Variants in ANAPC1 observed in about 807,000 individuals in gnomAD.
The protein encoded by ANAPC1 is anaphase promoting complex subunit 1, also known as anaphase-promoting complex subunit 1.
A neutral mutation model predicts 208.0 loss-of-function variants in ANAPC1; 36 were observed. That is an observed-to-expected ratio of 0.17 (90% CI 0.13 to 0.23). ANAPC1 has a LOEUF of 0.23. Among genes scored for constraint, ANAPC1 ranks in the 10% least tolerant of loss-of-function variants. The pLI, the probability that ANAPC1 is intolerant of heterozygous loss-of-function variation, is 1.00. For missense variants in ANAPC1, 942 were observed against 2,011.6 expected, an observed-to-expected ratio of 0.47 and a Z score of 10.17; for synonymous variants, 378 against 695.2, an observed-to-expected ratio of 0.54 and a Z score of 7.18.
intron 38 of ANAPC1, among the ~76,000 whole-genome samples, chr2:111,788,993 C>A (rs1677723989): frequency 1.3e-5 from 2 of 152,382 alleles, no homozygotes; most frequent in South Asian, 2.1e-4. Flanking sequence ...AAAAAATTAG[C>A]CGGGCGCCGT....
chr2:111,770,904 C>T (rs1487497548), intron 47 of ANAPC1, among the ~76,000 whole-genome samples: 1 of 151,802 alleles, frequency 6.6e-6, no homozygotes, highest in Non-Finnish European at 1.5e-5. Context: ...TTTCTATTAT[C>T]TGTTTTTTTA....
At chr2:111,832,956 A>AAAAAAAAAAAG (rs397748618) in intron 20 of ANAPC1, among the ~76,000 whole-genome samples, 1 of 150,272 alleles carries the variant, frequency 6.7e-6, no homozygotes, top group Non-Finnish European at 1.5e-5. Context: ...AAAAAAAAAA[A>AAAAAAAAAAAG]GCATCCTTGA....
intron 47 of ANAPC1, among the ~76,000 whole-genome samples, chr2:111,770,228 T>TATAA (rs1491455655): frequency 1.9e-5 from 2 of 104,408 alleles, no homozygotes; most frequent in Non-Finnish European, 3.9e-5. Context: ...TATATATATA[T>TATAA]AAATTCTTTA....
intron 3 of ANAPC1, among the ~76,000 whole-genome samples, chr2:111,875,585 C>A (rs919747964): frequency 6.6e-6 from 1 of 152,198 alleles, no homozygotes; most frequent in African/African-American, 2.4e-5. Flanking sequence ...CAGTCTCCCT[C>A]CTCTCCAGTC....
chr2:111,858,300 A>G lies in ANAPC1; in HGVS notation c.1358+6T>C. ...TACAGAAACAATGGGAAAGACATAC[A>G]CCTACCGTAACTGGAGCTGGGACTC... On this transcript the variant is annotated splice_donor_region_variant and intron_variant, in intron 11 of 47. Coordinates refer to ENST00000341068, the MANE Select transcript of ANAPC1 (RefSeq NM_022662.4). The G allele has an allele frequency of 1.2e-6, 2 of 1,609,536 alleles. No homozygotes were observed. Among genetic ancestry groups the G allele is most frequent in the Non-Finnish European group, 1.7e-6 (2 of 1,176,200 alleles).
intron 17 of ANAPC1, 42 bp downstream of exon 17, chr2:111,843,370 T>C: frequency 6.2e-7 from 1 of 1,602,414 alleles, no homozygotes; most frequent in African/African-American, 1.3e-5. Flanking sequence ...AACCATTACA[T>C]TAACAGAATA....
intron 2 of ANAPC1, among the ~76,000 whole-genome samples, 175 bp from the exon 3 acceptor site, chr2:111,879,146 T>A (rs1683168609): frequency 6.6e-6 from 1 of 152,230 alleles, no homozygotes; most frequent in Non-Finnish European, 1.5e-5. Flanking sequence ...CAGAATTACA[T>A]GAAGAATTTA....
intron 47 of ANAPC1, 113 bp downstream of exon 47, chr2:111,772,228 C>T (rs1676780387): frequency 9.5e-6 from 10 of 1,057,624 alleles, no homozygotes; most frequent in Admixed American, 4.5e-5. Flanking sequence ...AACAATGACA[C>T]TGCAACATTA....
At chr2:111,834,417 G>T (rs189296583) in intron 19 of ANAPC1, among the ~76,000 whole-genome samples, 187 bp downstream of exon 19, 35 of 152,072 alleles carry the variant, frequency 2.3e-4, no homozygotes, top group African/African-American at 8.4e-4. Context: ...ATCCCTGCAT[G>T]GCTCACAGGC....
rs560458379 is a variant in ANAPC1, at chr2:111,870,579, C to G, written c.611+2051G>C. On this transcript the variant is annotated intron_variant, in intron 6 of 47. Transcript: ENST00000341068. ...AGCTTCTGTCTTGCTGATCTGAGTT[C>G]CTTATATATTCTGGATACTAGTGCT... Among the ~76,000 whole-genome samples, 19 of 152,228 alleles carry G rather than the reference C, an allele frequency of 1.2e-4. No individual in the cohort carries two copies. In the South Asian group the frequency reaches 3.9e-3, roughly 32 times the overall value.
intron 24 of ANAPC1, among the ~76,000 whole-genome samples, chr2:111,824,232 G>T (rs1573398293): frequency 3.7e-5 from 4 of 107,034 alleles, no homozygotes; most frequent in East Asian, 3.0e-4. Context: ...CATTTTTAAG[G>T]TAAAATGCAA....
intron 14 of ANAPC1, among the ~76,000 whole-genome samples, chr2:111,848,296 T>G (rs572766930): frequency 9.2e-5 from 14 of 151,694 alleles, no homozygotes; most frequent in African/African-American, 3.1e-4. Context: ...GACCAAGATC[T>G]AGGAGAGAAG....
At chr2:111,872,829 TAAC>T (rs1558742631) in intron 5 of ANAPC1, 117 bp from the exon 6 acceptor site, 1 of 682,744 alleles carries the variant, frequency 1.5e-6, no homozygotes. Flanking sequence ...CTTTACAAAG[TAAC>T]ATAATCATTA....
At chr2:111,871,067 T>C (rs1387379045) in intron 6 of ANAPC1, among the ~76,000 whole-genome samples, 1 of 152,222 alleles carries the variant, frequency 6.6e-6, no homozygotes, top group African/African-American at 2.4e-5. Context: ...TGCCTACTTT[T>C]ATACCAGTAC....
intron 39 of ANAPC1, among the ~76,000 whole-genome samples, chr2:111,785,891 C>A (rs1239753998): frequency 6.6e-6 from 1 of 150,654 alleles, no homozygotes; most frequent in Non-Finnish European, 1.5e-5. Context: ...AGGGGGAAGA[C>A]AGGATGTCAA....
Position 111,873,397 on chromosome 2 carries a change from C to G in ANAPC1, c.439G>C (p.Val147Leu), listed in dbSNP as rs989794333. 1 of 1,601,790 alleles carries G rather than the reference C, an allele frequency of 6.2e-7. No individual in the cohort carries two copies. Among genetic ancestry groups the G allele is most frequent in the Non-Finnish European group, 8.5e-7 (1 of 1,176,096 alleles). Reference protein sequence around the residue: ...KSEKAYSSNEVEKCICILQSS... With the variant: ...KSEKAYSSNELEKCICILQSS... Reference sequence around the variant, plus strand: ...TGCAATATACATATGCATTTTTCTACTTCATTGCTACCTGAAAAGAAAGGG... The same window carrying G: ...TGCAATATACATATGCATTTTTCTAGTTCATTGCTACCTGAAAAGAAAGGG... The change falls in exon 5 of 48, where the codon GTA (valine) becomes CTA (leucine). Residue 147 changes from valine (V) to leucine (L), a missense_variant. Coordinates refer to ENST00000341068, the MANE Select transcript of ANAPC1 (RefSeq NM_022662.4).
intron 21 of ANAPC1, among the ~76,000 whole-genome samples, chr2:111,826,456 T>C (rs1399261156): frequency 6.6e-6 from 1 of 152,220 alleles, no homozygotes; most frequent in African/African-American, 2.4e-5. Flanking sequence ...TCATATGATA[T>C]GTAGTCTTTT....
At chr2:111,820,029 T>C (rs542238244) in intron 26 of ANAPC1, among the ~76,000 whole-genome samples, 17 of 152,290 alleles carry the variant, frequency 1.1e-4, no homozygotes, top group African/African-American at 3.8e-4. Flanking sequence ...GAGAACAATA[T>C]TATATCCCCT....
intron 44 of ANAPC1, chr2:111,779,789 G>A (rs1395008781): frequency 1.0e-5 from 2 of 191,224 alleles, no homozygotes. Context: ...GATGCAGTGA[G>A]CCATGATCAC....
Sources: allele counts gnomAD v4.1 joint callset (sites outside exome capture counted in the v4.1 genomes callset), GRCh38; gene constraint gnomAD v4.1.1; transcripts MANE v1.5; gene names NCBI Gene and HGNC (gene_info 2026-07-23, HGNC 2026-07-21).